KALRN: variants seen among roughly 807,000 people sequenced by gnomAD.
KALRN encodes kalirin.
Under a neutral mutation model 353.7 loss-of-function variants are expected in KALRN, and 70 were observed. The observed-to-expected ratio is 0.20, with a 90% CI of 0.16 to 0.24. The LOEUF (loss-of-function observed/expected upper bound fraction) is 0.24, where lower values mean the gene tolerates loss of function less well. Among genes scored for constraint, KALRN ranks in the 10% least tolerant of loss-of-function variants. The pLI, the probability that KALRN is intolerant of heterozygous loss-of-function variation, is 1.00. For missense variants in KALRN, 2,791 were observed against 3,756.7 expected (o/e 0.74, Z 6.72); for synonymous variants, 1,391 against 1,434.8 (o/e 0.97, Z 0.69).
intron 9 of KALRN, among the ~76,000 whole-genome samples, chr3:124,341,994 G>A (rs962968803): frequency 2.0e-5 from 3 of 152,064 alleles, no homozygotes. Context: ...GGTGTTGGGG[G>A]GTGAGGCAGG....
At chr3:124,251,379 CT>C (rs200446664) in intron 3 of KALRN, among the ~76,000 whole-genome samples, 1 of 120,538 alleles carries the variant, frequency 8.3e-6, no homozygotes, top group Non-Finnish European at 1.7e-5. Context: ...TTCTTTTTTT[CT>C]TTTTTTTTGA....
chr3:124,627,592 A>T (rs1708318), intron 34 of KALRN, among the ~76,000 whole-genome samples: 53,410 of 152,088 alleles, frequency 0.35, 10,859 homozygotes, highest in African/African-American at 0.56. Flanking sequence ...ACATGTGCTG[A>T]TAATAAGTCT....
Position 124,563,038 on chromosome 3 carries a change from TCA to T in KALRN, c.5135_5136del (p.His1712LeufsTer58). 1 of 1,367,856 alleles carries T rather than the reference TCA, an allele frequency of 7.3e-7. No individual in the cohort carries two copies. Among genetic ancestry groups the T allele is most frequent in the South Asian group, 1.1e-5 (1 of 88,052 alleles). 84.7% of individuals were successfully genotyped at this position (1,367,856 alleles called of 1,614,324 possible). A position where few individuals can be genotyped will look rare whatever the true frequency, so the allele number is the denominator to read the frequency against. On this transcript the variant is annotated frameshift_variant, in exon 34 of 60. Coordinates refer to ENST00000682506, the MANE Select transcript of KALRN (RefSeq NM_001388419.1). LOFTEE classifies it high-confidence loss of function. ...GLVPSSALCI[S>X]HSRSSVEMDC... ...GGTCCCCAGCAGCGCCCTGTGCATCTCACACTCCCGAAGCAGCGTGGAGATGG... is the reference window on the plus strand; with the variant it reads ...GGTCCCCAGCAGCGCCCTGTGCATCTCACTCCCGAAGCAGCGTGGAGATGG...
chr3:124,509,253 G>A (rs946051773), intron 33 of KALRN, among the ~76,000 whole-genome samples: 4 of 152,054 alleles, frequency 2.6e-5, no homozygotes, highest in Non-Finnish European at 5.9e-5. Context: ...TGTCACCCAA[G>A]TTGGAAGTGC....
intron 1 of KALRN, among the ~76,000 whole-genome samples, chr3:124,174,359 G>A (rs1377718546): frequency 1.3e-5 from 2 of 152,062 alleles, no homozygotes; most frequent in Non-Finnish European, 1.5e-5. Flanking sequence ...TCTTGAACCC[G>A]GGAGGCAGAG....
chr3:124,676,919 T>A (rs2087257976), intron 49 of KALRN, among the ~76,000 whole-genome samples: 1 of 152,200 alleles, frequency 6.6e-6, no homozygotes, highest in Non-Finnish European at 1.5e-5. Context: ...ACAAGAGTTT[T>A]TGAAGGAGCC....
At chr3:124,385,625 G>T (rs1262346223) in intron 11 of KALRN, among the ~76,000 whole-genome samples, 1 of 152,112 alleles carries the variant, frequency 6.6e-6, no homozygotes, top group Non-Finnish European at 1.5e-5. Context: ...GGACTGAGAT[G>T]CCCTCCACCA....
intron 10 of KALRN, among the ~76,000 whole-genome samples, chr3:124,350,570 A>G (rs965401924): frequency 6.6e-6 from 1 of 152,192 alleles, no homozygotes; most frequent in Non-Finnish European, 1.5e-5. Flanking sequence ...AAGTGGGCAT[A>G]AAATTCATTT....
At chr3:124,344,933 C>T (rs536929127) in intron 9 of KALRN, among the ~76,000 whole-genome samples, 2 of 152,150 alleles carry the variant, frequency 1.3e-5, no homozygotes, top group Admixed American at 1.3e-4. Flanking sequence ...GTTGTGAAAT[C>T]GTTTCTGGGG....
intron 19 of KALRN, among the ~76,000 whole-genome samples, chr3:124,444,079 A>G (rs900995309): frequency 1.3e-5 from 2 of 152,186 alleles, no homozygotes; most frequent in Non-Finnish European, 2.9e-5. Flanking sequence ...AAGAAATTCA[A>G]TGATATCCAA....
At chr3:124,406,999 A>G (rs1273682841) in intron 13 of KALRN, among the ~76,000 whole-genome samples, 1 of 151,638 alleles carries the variant, frequency 6.6e-6, no homozygotes, top group Non-Finnish European at 1.5e-5. Context: ...ACGCCCAGCT[A>G]ATTTTTGTAT....
rs76287159 is a variant in KALRN at position 124,102,340 on chromosome 3, C to T, written c.73+68527C>T. On this transcript the variant is annotated intron_variant, in intron 1 of 59. Coordinates refer to ENST00000682506, the MANE Select transcript of KALRN (RefSeq NM_001388419.1). ...CCAGCAACCTTCATATTTTCTTGTG[C>T]TTTCTCTTGAAATGCCCCAAACCTC... Among the ~76,000 whole-genome samples, 9 of 152,138 alleles carry T rather than the reference C, an allele frequency of 5.9e-5. No individual in the cohort carries two copies. The East Asian group carries it at 1.3e-3, about 23-fold the overall frequency.
chr3:124,681,024 TATAGA>T (rs1278294954), intron 51 of KALRN, among the ~76,000 whole-genome samples: 1 of 152,068 alleles, frequency 6.6e-6, no homozygotes, highest in Non-Finnish European at 1.5e-5. Flanking sequence ...CAGCATGTAT[TATAGA>T]TGTCAGCTGC....
intron 1 of KALRN, among the ~76,000 whole-genome samples, chr3:124,108,500 CAGTT>C (rs1248873116): frequency 5.3e-5 from 8 of 152,222 alleles, no homozygotes; most frequent in African/African-American, 1.9e-4. Flanking sequence ...TTTGGGCACA[CAGTT>C]AGATTGTACT....
intron 36 of KALRN, among the ~76,000 whole-genome samples, chr3:124,636,803 A>C (rs140802439): frequency 6.6e-6 from 1 of 152,286 alleles, no homozygotes; most frequent in East Asian, 1.9e-4. Context: ...GGTTTGTTGA[A>C]TCCTTCACAC....
chr3:124,382,022 T>C (rs147648079), intron 10 of KALRN, among the ~76,000 whole-genome samples: 5 of 152,320 alleles, frequency 3.3e-5, no homozygotes, highest in African/African-American at 4.8e-5. Flanking sequence ...GGTAATTTAA[T>C]GGGTTGTTGC....
intron 56 of KALRN, among the ~76,000 whole-genome samples, 171 bp from the exon 57 acceptor site, chr3:124,701,867 A>G (rs1332190919): frequency 6.6e-6 from 1 of 152,136 alleles, no homozygotes; most frequent in Admixed American, 6.5e-5. Flanking sequence ...TTCCCCTTGG[A>G]TGATTTTTTA....
intron 5 of KALRN, among the ~76,000 whole-genome samples, chr3:124,293,156 A>G (rs1235399846): frequency 6.6e-6 from 1 of 152,258 alleles, no homozygotes. Context: ...TACACAGGGT[A>G]TAGTGAACAT....
chr3:124,399,144 G>GTTTTA (rs1488298814), intron 13 of KALRN, among the ~76,000 whole-genome samples: 1 of 151,986 alleles, frequency 6.6e-6, no homozygotes, highest in African/African-American at 2.4e-5. Context: ...GTTTTGTTTT[G>GTTTTA]TTTTGTTCTG....
Sources: allele counts gnomAD v4.1 joint callset (sites outside exome capture counted in the v4.1 genomes callset), GRCh38; gene constraint gnomAD v4.1.1; transcripts MANE v1.5; gene names NCBI Gene and HGNC (gene_info 2026-07-23, HGNC 2026-07-21).